FAM117B: variants seen among roughly 807,000 people sequenced by gnomAD.
The protein encoded by FAM117B is family with sequence similarity 117 member B.
FAM117B carries 22 observed loss-of-function variants against 52.8 expected under a neutral mutation model. The ratio of observed to expected loss-of-function variants is 0.42; its 90% CI spans 0.30 to 0.59. The LOEUF is 0.59. Among genes scored for constraint, FAM117B ranks in the 20% least tolerant of loss-of-function variants. The pLI is 0.22. For synonymous variants in FAM117B, 309 were observed against 324.1 expected, an observed-to-expected ratio of 0.95 and a Z score of 0.50; for missense variants, 678 against 802.6, an observed-to-expected ratio of 0.84 and a Z score of 1.88.
intron 4 of FAM117B, among the ~76,000 whole-genome samples, chr2:202,746,396 A>T (rs1241180276): frequency 6.6e-6 from 1 of 152,124 alleles, no homozygotes; most frequent in Admixed American, 6.6e-5. Context: ...ATAAAAAAAA[A>T]TTTCTTGAAG....
chr2:202,686,577 C>T (rs1303350672), intron 1 of FAM117B, among the ~76,000 whole-genome samples: 2 of 152,074 alleles, frequency 1.3e-5, no homozygotes, highest in African/African-American at 2.4e-5. Context: ...TTTGAGAAGC[C>T]GAGGCGGATC....
intron 4 of FAM117B, among the ~76,000 whole-genome samples, chr2:202,747,573 A>T (rs1425920238): frequency 3.9e-5 from 6 of 152,196 alleles, no homozygotes; most frequent in African/African-American, 1.4e-4. Flanking sequence ...CTACAAAAAA[A>T]ATCACAAAAC....
At chr2:202,668,924 C>G (rs1387942348) in intron 1 of FAM117B, among the ~76,000 whole-genome samples, 1 of 152,094 alleles carries the variant, frequency 6.6e-6, no homozygotes, top group African/African-American at 2.4e-5. Flanking sequence ...TTTTTAAAGT[C>G]TTCTCACAGT....
At chr2:202,647,184 T>G (rs1188729299) in intron 1 of FAM117B, among the ~76,000 whole-genome samples, 1 of 152,110 alleles carries the variant, frequency 6.6e-6, no homozygotes, top group Non-Finnish European at 1.5e-5. Context: ...ATAGGAAAAT[T>G]TATAATGTTT....
intron 1 of FAM117B, among the ~76,000 whole-genome samples, chr2:202,686,274 A>C (rs1690536198): frequency 6.6e-6 from 1 of 152,208 alleles, no homozygotes; most frequent in Non-Finnish European, 1.5e-5. Context: ...GATGTTGATG[A>C]GGATAGTGGA....
At chr2:202,707,720 T>A (rs1690894082) in intron 2 of FAM117B, among the ~76,000 whole-genome samples, 1 of 151,800 alleles carries the variant, frequency 6.6e-6, no homozygotes, top group East Asian at 1.9e-4. Flanking sequence ...AGTCATTCAG[T>A]CAGTCCATCA....
intron 1 of FAM117B, among the ~76,000 whole-genome samples, chr2:202,649,138 A>T (rs538318805): frequency 1.6e-4 from 25 of 152,322 alleles, no homozygotes; most frequent in African/African-American, 5.5e-4. Flanking sequence ...AATTGATATC[A>T]GTTTGTACCT....
chr2:202,713,624 T>C (rs1690990343), intron 2 of FAM117B, among the ~76,000 whole-genome samples: 1 of 152,224 alleles, frequency 6.6e-6, no homozygotes, highest in Non-Finnish European at 1.5e-5. Flanking sequence ...AAGTTTTTCT[T>C]GTTTTTTGAT....
At chr2:202,718,867 T>C (rs1691104041) in intron 2 of FAM117B, among the ~76,000 whole-genome samples, 1 of 152,224 alleles carries the variant, frequency 6.6e-6, no homozygotes, top group Non-Finnish European at 1.5e-5. Context: ...CTTCAAATTC[T>C]GGATTAGATG....
intron 1 of FAM117B, among the ~76,000 whole-genome samples, chr2:202,650,944 C>T (rs1438022355): frequency 6.6e-6 from 1 of 152,140 alleles, no homozygotes; most frequent in African/African-American, 2.4e-5. Context: ...TGGCAACACC[C>T]TCACAAACAA....
chr2:202,716,882 CTT>C (rs1250386991), intron 2 of FAM117B, among the ~76,000 whole-genome samples: 1 of 152,106 alleles, frequency 6.6e-6, no homozygotes, highest in Non-Finnish European at 1.5e-5. Context: ...ATTTCAATCT[CTT>C]TGTTAAATTT....
intron 5 of FAM117B, among the ~76,000 whole-genome samples, chr2:202,756,310 T>A (rs966545192): frequency 4.6e-5 from 7 of 151,994 alleles, no homozygotes; most frequent in Non-Finnish European, 1.0e-4. Flanking sequence ...TCCCAGCTAC[T>A]TGGGAAGCAG....
chr2:202,748,495 TGAATG>T (rs1414474283), intron 4 of FAM117B, among the ~76,000 whole-genome samples: 1 of 152,074 alleles, frequency 6.6e-6, no homozygotes, highest in African/African-American at 2.4e-5. Context: ...GAAAACCTGT[TGAATG>T]GAGGAAAATA....
chr2:202,713,651 G>A (rs1389107979), intron 2 of FAM117B, among the ~76,000 whole-genome samples: 3 of 152,126 alleles, frequency 2.0e-5, no homozygotes, highest in Admixed American at 1.3e-4. Flanking sequence ...ACTTTTAGCT[G>A]TAAAATTCCC....
At chr2:202,716,439 T>TTA in intron 2 of FAM117B, among the ~76,000 whole-genome samples, 1 of 152,170 alleles carries the variant, frequency 6.6e-6, no homozygotes, top group African/African-American at 2.4e-5. Flanking sequence ...TTTCTGGTTG[T>TTA]TTTGTGGTCT....
At chr2:202,722,143 T>C (rs967604805) in intron 2 of FAM117B, among the ~76,000 whole-genome samples, 1 of 151,406 alleles carries the variant, frequency 6.6e-6, no homozygotes, top group African/African-American at 2.4e-5. Context: ...CCCAAGCAGC[T>C]GGGATTACAC....
At chr2:202,746,206 A>G (rs1467107578) in intron 4 of FAM117B, among the ~76,000 whole-genome samples, 1 of 152,132 alleles carries the variant, frequency 6.6e-6, no homozygotes, top group Admixed American at 6.5e-5. Flanking sequence ...GCCCCAAAAC[A>G]TATCTCAACA....
chr2:202,667,446 A>ATGTGTGTC (rs573659654), intron 1 of FAM117B, among the ~76,000 whole-genome samples: 1 of 151,590 alleles, frequency 6.6e-6, no homozygotes, highest in African/African-American at 2.4e-5. Flanking sequence ...AGCTTTGTGT[A>ATGTGTGTC]TGTGTGTCTG....
At position 202,707,853 on chromosome 2, in the gene FAM117B, C is replaced by T. The variant is rs567537218; in HGVS notation, c.753+11821C>T. 1.5e-3 allele frequency among the ~76,000 whole-genome samples: 222 copies of T among 151,864 alleles called. No individual in the cohort carries two copies. The Middle Eastern group carries it at 0.017, about 12-fold the overall frequency. Reference sequence around the variant, plus strand: ...GTGCAATCTTGGCTCACTGCAGCCTCCGCCTCCCAGGTTCAAGCAATCTCC... The same window carrying T: ...GTGCAATCTTGGCTCACTGCAGCCTTCGCCTCCCAGGTTCAAGCAATCTCC... On this transcript the variant is annotated intron_variant, in intron 2 of 7. Coordinates refer to ENST00000392238, the MANE Select transcript of FAM117B (RefSeq NM_173511.4).
Sources: allele counts gnomAD v4.1 joint callset (sites outside exome capture counted in the v4.1 genomes callset), GRCh38; gene constraint gnomAD v4.1.1; transcripts MANE v1.5; gene names NCBI Gene and HGNC (gene_info 2026-07-23, HGNC 2026-07-21).